CERS4: variants seen among roughly 807,000 people sequenced by gnomAD.
CERS4 encodes ceramide synthase 4.
CERS4 carries 65 observed loss-of-function variants against 51.8 expected under a neutral mutation model. The observed-to-expected ratio is 1.26, with a 90% CI of 1.03 to 1.54. CERS4 has a LOEUF of 1.54. CERS4 is among the 40% of genes most tolerant of loss of function. CERS4 has a pLI of 0.00. For missense variants in CERS4, 563 were observed against 500.4 expected (o/e 1.13, Z -1.19); for synonymous variants, 228 against 208.4 (o/e 1.09, Z -0.81).
At chr19:8,255,933 G>GATCT in intron 6 of CERS4, 54 bp downstream of exon 6, 9 of 1,580,480 alleles carry the variant, frequency 5.7e-6, no homozygotes, top group Non-Finnish European at 7.8e-6. Flanking sequence ...ACCTGGCCTA[G>GATCT]ATCTGGCAGG....
At chr19:8,230,173 G>A (rs1190963797) in intron 2 of CERS4, among the ~76,000 whole-genome samples, 1 of 151,822 alleles carries the variant, frequency 6.6e-6, no homozygotes, top group African/African-American at 2.4e-5. Context: ...TTGCATGCAA[G>A]TTAGACCTTT....
rs375945706 is a variant in CERS4 at position 8,251,267 on chromosome 19, C to T, written c.173+18C>T. ...TTTGAGAGGTGAGTGTCTGCCCTGC[C>T]GCAATCCATTGCCCCCGCAGTCGCT... On this transcript the variant is annotated intron_variant, in intron 3 of 11. Coordinates refer to ENST00000251363, the MANE Select transcript of CERS4 (RefSeq NM_024552.3). The T allele has an allele frequency of 3.8e-5, 59 of 1,567,626 alleles. No individual in the cohort carries two copies. The highest frequency in any genetic ancestry group is 8.3e-5 in the South Asian group (7 of 84,300).
At chr19:8,251,477 T>A (rs1969077151) in intron 3 of CERS4, among the ~76,000 whole-genome samples, 1 of 152,216 alleles carries the variant, frequency 6.6e-6, no homozygotes, top group South Asian at 2.1e-4. Context: ...AACACTGCAC[T>A]GCCTGCAGCC....
chr19:8,249,029 A>G (rs1968929248), intron 2 of CERS4, among the ~76,000 whole-genome samples: 1 of 149,960 alleles, frequency 6.7e-6, no homozygotes, highest in Non-Finnish European at 1.5e-5. Context: ...GGGTGGATGG[A>G]TGGATGATGG....
intron 2 of CERS4, among the ~76,000 whole-genome samples, chr19:8,220,766 G>A (rs566323728): frequency 4.6e-5 from 7 of 151,954 alleles, no homozygotes; most frequent in Admixed American, 3.3e-4. Flanking sequence ...AATCTCTGCC[G>A]CCTTCCCATG....
intron 2 of CERS4, among the ~76,000 whole-genome samples, chr19:8,237,864 A>T (rs990035737): frequency 2.0e-5 from 3 of 152,158 alleles, no homozygotes; most frequent in African/African-American, 7.2e-5. Context: ...ACAAAACAAA[A>T]AAAAGTGTTG....
chr19:8,221,050 C>G, intron 2 of CERS4, among the ~76,000 whole-genome samples: 1 of 151,864 alleles, frequency 6.6e-6, no homozygotes, highest in South Asian at 2.1e-4. Flanking sequence ...TGGTCTCGAT[C>G]TCCTGACCTT....
At chr19:8,211,086 G>A (rs1294031292) in intron 2 of CERS4, among the ~76,000 whole-genome samples, 1 of 152,048 alleles carries the variant, frequency 6.6e-6, no homozygotes, top group Non-Finnish European at 1.5e-5. Context: ...CGCCCGGTGG[G>A]AGTTCAGGGG....
chr19:8,256,000 G>A (rs372684300), intron 6 of CERS4, 121 bp downstream of exon 6: 67 of 1,167,758 alleles, frequency 5.7e-5, no homozygotes, highest in East Asian at 1.2e-4. Context: ...AGGAGAGAGC[G>A]AGCTTTGCAA....
chr19:8,238,063 A>G (rs548000039), intron 2 of CERS4, among the ~76,000 whole-genome samples: 9 of 150,920 alleles, frequency 6.0e-5, no homozygotes, highest in African/African-American at 2.2e-4. Context: ...CTGCTCCACT[A>G]CTCCACCTCT....
intron 7 of CERS4, 55 bp from the exon 8 acceptor site, chr19:8,256,563 C>G (rs963008934): frequency 3.7e-5 from 56 of 1,523,090 alleles, no homozygotes; most frequent in Admixed American, 2.1e-4. Context: ...AGCCATACCC[C>G]TGCCCGATTG....
rs1452985286 is a variant in CERS4 at position 8,256,998 on chromosome 19, CCTT to C, written c.665_667del (p.Phe222del). On this transcript the variant is annotated inframe_deletion, in exon 9 of 12. Transcript: ENST00000251363. ...CACTTCGTGGCGGTCATCCTGATGA[CCTT>C]CTCCTACAGTGCCAACCTGCTGCGC... The C allele has an allele frequency of 6.2e-7, 1 of 1,614,066 alleles. No homozygotes were observed. Among genetic ancestry groups the C allele is most frequent in the Non-Finnish European group, 8.5e-7 (1 of 1,179,980 alleles).
At chr19:8,221,968 G>A (rs1967581635) in intron 2 of CERS4, among the ~76,000 whole-genome samples, 1 of 123,100 alleles carries the variant, frequency 8.1e-6, no homozygotes, top group Non-Finnish European at 1.6e-5. Flanking sequence ...TGCAAGCTCC[G>A]CCTCCCGGGT....
At chr19:8,257,465 A>T (rs1049367305) in intron 9 of CERS4, among the ~76,000 whole-genome samples, 1 of 151,252 alleles carries the variant, frequency 6.6e-6, no homozygotes, top group Non-Finnish European at 1.5e-5. Context: ...ACGGAGTCTC[A>T]CTCTCTTGCC....
At chr19:8,217,104 A>C (rs1028915272) in intron 2 of CERS4, among the ~76,000 whole-genome samples, 1 of 151,684 alleles carries the variant, frequency 6.6e-6, no homozygotes, top group East Asian at 1.9e-4. Flanking sequence ...TTTCCCACCC[A>C]CTCCTAGAAT....
At chr19:8,256,127 G>A in intron 6 of CERS4, 109 bp from the exon 7 acceptor site, 7 of 1,226,240 alleles carry the variant, frequency 5.7e-6, no homozygotes, top group Non-Finnish European at 6.9e-6. Flanking sequence ...GCAGGGCTGG[G>A]TGAAGGTAGC....
chr19:8,255,680 G>T lies in CERS4; in HGVS notation c.365G>T (p.Arg122Leu), dbSNP rs373347633. The T allele has an allele frequency of 6.2e-6, 10 of 1,612,906 alleles. No homozygotes were observed. The highest frequency in any genetic ancestry group is 8.5e-6 in the Non-Finnish European group (10 of 1,179,784). The change falls in exon 5 of 12, where the codon CGG becomes CTG. Residue 122 changes from arginine to leucine, a missense_variant. By Grantham distance (102) the Arg-to-Leu change is moderately radical. Coordinates refer to ENST00000251363, the MANE Select transcript of CERS4 (RefSeq NM_024552.3). The stretch of plus-strand genomic sequence containing the variant: ...ACCCAGCGATGGTTCCGGAGACGCC[G>T]GAACCAGGATCGACCCCAGCTGACC... ...QQTQRWFRRR[R>L]NQDRPQLTKK...
chr19:8,245,122 A>AAAAACAAAAAAAAACAAAAAACAAAC (rs1555777239), intron 2 of CERS4, among the ~76,000 whole-genome samples: 2 of 129,258 alleles, frequency 1.5e-5, no homozygotes, highest in Non-Finnish European at 3.1e-5. Flanking sequence ...AAAAAAAAAA[A>AAAAACAAAAAAAAACAAAAAACAAAC]AAAAAAAAAA....
chr19:8,250,979 C>T (rs1216253451), intron 2 of CERS4, 97 bp from the exon 3 acceptor site: 2 of 1,485,974 alleles, frequency 1.3e-6, no homozygotes, highest in Non-Finnish European at 1.8e-6. Context: ...CTGATAGGGG[C>T]CCGAGTAGGA....
Sources: gnomAD v4.1 joint callset for allele counts (sites outside exome capture counted in the v4.1 genomes callset) on GRCh38, gnomAD v4.1.1 for gene constraint, MANE v1.5 for transcripts, NCBI Gene and HGNC (gene_info 2026-07-23, HGNC 2026-07-21) for gene names.